The following SLC9A2 variants were observed in gnomAD, a reference collection of about 807,000 sequenced individuals.
The protein encoded by SLC9A2 is sodium/hydrogen exchanger 2.
Under a neutral mutation model 71.7 loss-of-function variants are expected in SLC9A2, and 42 were observed. That is an observed-to-expected ratio of 0.59 (90% CI 0.46 to 0.76). SLC9A2 has a LOEUF of 0.76. Ranked by LOEUF, SLC9A2 falls within the 30% of genes least tolerant of loss-of-function variation. The pLI is 0.00. For synonymous variants in SLC9A2, 396 were observed against 392.5 expected (o/e 1.01, Z -0.10); for missense variants, 829 against 1,017.4 (o/e 0.81, Z 2.52).
chr2:102,635,656 A>G (rs993646554), intron 1 of SLC9A2, among the ~76,000 whole-genome samples: 4 of 152,210 alleles, frequency 2.6e-5, no homozygotes, highest in African/African-American at 9.6e-5. Context: ...AAAACCAAGT[A>G]ACACTGTTTT....
intron 1 of SLC9A2, among the ~76,000 whole-genome samples, chr2:102,652,895 A>G (rs1428997920): frequency 6.6e-6 from 1 of 152,216 alleles, no homozygotes; most frequent in Admixed American, 6.5e-5. Flanking sequence ...AATTTTCTCT[A>G]TTCAAGTTCA....
rs202141524 is a variant in SLC9A2 at position 102,708,298 on chromosome 2, C to T, written c.2248C>T (p.Pro750Ser). The T allele has an allele frequency of 1.4e-5, 22 of 1,614,058 alleles. No homozygotes were observed. The South Asian group carries it at 1.8e-4, about 13-fold the overall frequency. Residue 750 changes from proline to serine, a missense_variant, in exon 12 of 12, where the codon CCC (proline) becomes TCC (serine). By Grantham distance (74) the Pro-to-Ser change is moderately conservative. Transcript: ENST00000233969. The stretch of plus-strand genomic sequence containing the variant: ...AGATATGCCCAGCACCCCCCCAACA[C>T]CCCACAGCAGAGAAAAGGGCACCCA... The part of the protein sequence containing the change: ...GRDMPSTPPT[P>S]HSREKGTQTS...
intron 3 of SLC9A2, among the ~76,000 whole-genome samples, chr2:102,674,364 A>G (rs1677310154): frequency 6.6e-6 from 1 of 152,114 alleles, no homozygotes; most frequent in Non-Finnish European, 1.5e-5. Context: ...ACAGGGGAGG[A>G]CAATGGCCTG....
At chr2:102,666,035 C>T (rs1254373971) in intron 3 of SLC9A2, among the ~76,000 whole-genome samples, 1 of 151,926 alleles carries the variant, frequency 6.6e-6, no homozygotes, top group African/African-American at 2.4e-5. Context: ...AAGTTGCATC[C>T]CAAGCTGCTC....
chr2:102,699,105 A>G (rs1268815364), intron 7 of SLC9A2, among the ~76,000 whole-genome samples: 1 of 152,222 alleles, frequency 6.6e-6, no homozygotes, highest in Non-Finnish European at 1.5e-5. Context: ...ACATCTGGGC[A>G]GCGAGATGGG....
chr2:102,665,878 G>A (rs1677127614), intron 3 of SLC9A2, among the ~76,000 whole-genome samples: 1 of 149,582 alleles, frequency 6.7e-6, no homozygotes, highest in South Asian at 2.1e-4. Context: ...CTGTTGCTCA[G>A]ATAGAAAGCT....
At chr2:102,644,565 C>T (rs1222422149) in intron 1 of SLC9A2, among the ~76,000 whole-genome samples, 2 of 152,182 alleles carry the variant, frequency 1.3e-5, no homozygotes, top group East Asian at 3.9e-4. Context: ...GATCCACTGG[C>T]TTGAAATTCT....
At chr2:102,700,734 T>A (rs879908078) in intron 7 of SLC9A2, among the ~76,000 whole-genome samples, 1 of 152,182 alleles carries the variant, frequency 6.6e-6, no homozygotes, top group Non-Finnish European at 1.5e-5. Context: ...TGTATTTTAA[T>A]CTGTAATTAA....
intron 3 of SLC9A2, among the ~76,000 whole-genome samples, chr2:102,673,892 A>G (rs1330870227): frequency 1.3e-5 from 2 of 150,394 alleles, no homozygotes; most frequent in African/African-American, 2.5e-5. Context: ...GTCCATGCCC[A>G]TTCTCCTGCC....
At chr2:102,638,131 C>A (rs554457384) in intron 1 of SLC9A2, among the ~76,000 whole-genome samples, 1 of 152,172 alleles carries the variant, frequency 6.6e-6, no homozygotes, top group Non-Finnish European at 1.5e-5. Context: ...ATAGGCCCAA[C>A]AAAATAGGCG....
chr2:102,665,740 C>A (rs947592853), intron 3 of SLC9A2, among the ~76,000 whole-genome samples: 1 of 131,582 alleles, frequency 7.6e-6, no homozygotes, highest in Non-Finnish European at 1.5e-5. Flanking sequence ...TGCCACTGCA[C>A]TCCAGCCTGG....
intron 5 of SLC9A2, among the ~76,000 whole-genome samples, chr2:102,686,990 A>G (rs1043457529): frequency 6.6e-6 from 1 of 152,154 alleles, no homozygotes; most frequent in Non-Finnish European, 1.5e-5. Context: ...CATCAAGCTA[A>G]TCCTCCACTG....
chr2:102,702,959 C>T (rs1055864418), intron 9 of SLC9A2, among the ~76,000 whole-genome samples: 3 of 152,106 alleles, frequency 2.0e-5, no homozygotes, highest in Non-Finnish European at 4.4e-5. Context: ...AGAGAGTGTC[C>T]TCAATTTTCC....
chr2:102,661,736 C>T (rs56403650), intron 2 of SLC9A2, among the ~76,000 whole-genome samples: 1 of 151,988 alleles, frequency 6.6e-6, no homozygotes, highest in Non-Finnish European at 1.5e-5. Flanking sequence ...CAAATTAGCC[C>T]ATGACAGAAT....
intron 2 of SLC9A2, among the ~76,000 whole-genome samples, chr2:102,658,339 G>A (rs1676986015): frequency 6.6e-6 from 1 of 152,068 alleles, no homozygotes; most frequent in Admixed American, 6.6e-5. Context: ...AGGAACATAT[G>A]ATTTTGGCCT....
At chr2:102,620,818 C>T (rs1055021125) in intron 1 of SLC9A2, among the ~76,000 whole-genome samples, 4 of 151,994 alleles carry the variant, frequency 2.6e-5, no homozygotes, top group South Asian at 2.1e-4. Context: ...ACGTGAGGAT[C>T]CCTTGAGGCC....
chr2:102,675,390 T>A (rs1000198297), intron 3 of SLC9A2, among the ~76,000 whole-genome samples: 1 of 152,150 alleles, frequency 6.6e-6, no homozygotes, highest in African/African-American at 2.4e-5. Flanking sequence ...TAAGGAGAAG[T>A]GACACAATTG....
chr2:102,655,992 C>T (rs1342431389), intron 1 of SLC9A2, among the ~76,000 whole-genome samples: 1 of 152,206 alleles, frequency 6.6e-6, no homozygotes, highest in East Asian at 1.9e-4. Context: ...CCTAATCACC[C>T]CTTAAAGGCT....
intron 1 of SLC9A2, among the ~76,000 whole-genome samples, chr2:102,651,980 T>C (rs1253313300): frequency 1.3e-5 from 2 of 152,294 alleles, no homozygotes; most frequent in East Asian, 3.9e-4. Context: ...TCTTTTTTAT[T>C]GCTAAAGAGT....
Sources: gnomAD v4.1 joint callset for allele counts (sites outside exome capture counted in the v4.1 genomes callset) on GRCh38, gnomAD v4.1.1 for gene constraint, MANE v1.5 for transcripts, NCBI Gene and HGNC (gene_info 2026-07-23, HGNC 2026-07-21) for gene names.